CIB1: variants seen among roughly 807,000 people sequenced by gnomAD.
CIB1 encodes the protein calcium and integrin binding 1.
A neutral mutation model predicts 25.0 loss-of-function variants in CIB1; 19 were observed. The observed-to-expected ratio is 0.76, with a 90% CI of 0.53 to 1.12. The LOEUF (loss-of-function observed/expected upper bound fraction) is 1.12, where lower values mean the gene tolerates loss of function less well. CIB1 is among the 50% of genes most tolerant of loss of function. The pLI is 0.00. For missense variants in CIB1, 236 were observed against 242.6 expected, an observed-to-expected ratio of 0.97 and a Z score of 0.18; for synonymous variants, 104 against 98.5, an observed-to-expected ratio of 1.06 and a Z score of -0.33.
chr15:90,258,510 A>C, the CIB1 span: 1 of 614,350 alleles, frequency 1.6e-6, no homozygotes. Context: ...GCCCTAATGT[A>C]AGTCTTTAGG....
At chr15:90,260,088 GGAC>G in the CIB1 span, among the ~76,000 whole-genome samples, 1 of 152,182 alleles carries the variant, frequency 6.6e-6, no homozygotes, top group Non-Finnish European at 1.5e-5. Flanking sequence ...CCACAAGACT[GGAC>G]TGTGTACCTG....
chr15:90,248,450 C>T, the CIB1 span, among the ~76,000 whole-genome samples: 1 of 151,996 alleles, frequency 6.6e-6, no homozygotes, highest in Non-Finnish European at 1.5e-5. Flanking sequence ...TTCAGTGGTT[C>T]ATGCCTGTAA....
the CIB1 span, among the ~76,000 whole-genome samples, chr15:90,261,595 C>T: frequency 3.3e-5 from 5 of 151,798 alleles, no homozygotes; most frequent in South Asian, 6.2e-4. Flanking sequence ...GCCTTGCCAA[C>T]GTGGTGAAAC....
chr15:90,247,683 A>G, the CIB1 span, among the ~76,000 whole-genome samples: 2 of 151,440 alleles, frequency 1.3e-5, no homozygotes, highest in East Asian at 3.9e-4. Context: ...TGAACCGGGA[A>G]AGAAGGCATA....
chr15:90,247,075 A>G, the CIB1 span, among the ~76,000 whole-genome samples: 1 of 151,400 alleles, frequency 6.6e-6, no homozygotes, highest in Admixed American at 6.6e-5. Flanking sequence ...TCCTGGATTC[A>G]AGCAATTCTC....
chr15:90,238,255 G>A (rs191015779), upstream of CIB1, among the ~76,000 whole-genome samples: 12 of 152,272 alleles, frequency 7.9e-5, no homozygotes, highest in East Asian at 1.5e-3. Context: ...AGCCAAGATC[G>A]TGCCACTGCA....
At chr15:90,258,717 G>T in the CIB1 span, 1 of 1,599,674 alleles carries the variant, frequency 6.3e-7, no homozygotes, top group South Asian at 1.1e-5. Flanking sequence ...TCTGGGAAAG[G>T]GGTGTATAAT....
At chr15:90,265,163 G>C in the CIB1 span, 1 of 1,263,886 alleles carries the variant, frequency 7.9e-7, no homozygotes, top group Non-Finnish European at 1.1e-6. Flanking sequence ...GATCGGTAAA[G>C]ACTAGAAGAT....
rs1009160883 is a variant in CIB1, at chr15:90,233,815, G to A, written c.51+20C>T. On this transcript the variant is annotated intron_variant, in intron 1 of 6. Transcript: ENST00000328649. ...AAGAGGCCCGCACGCGAGCTCCCCA[G>A]GGCCAGGCGTCCCGCGCACCTGGTA... 3 of 1,546,806 alleles carry A rather than the reference G, an allele frequency of 1.9e-6. No individual in the cohort carries two copies. The highest frequency in any genetic ancestry group is 2.0e-5 in the Admixed American group (1 of 51,066).
the CIB1 span, chr15:90,241,665 C>A: frequency 6.2e-7 from 1 of 1,614,232 alleles, no homozygotes; most frequent in Middle Eastern, 1.6e-4. Context: ...CCTCCCAGCT[C>A]CTGGCTTCCT....
chr15:90,260,850 CAAAAA>C, the CIB1 span, among the ~76,000 whole-genome samples: 1 of 60,222 alleles, frequency 1.7e-5, no homozygotes, highest in Non-Finnish European at 3.8e-5. Context: ...GACTCTGTCT[CAAAAA>C]AAAAAAAAAA....
Position 90,230,394 on chromosome 15 carries a change from C to T in CIB1, c.*90G>A. ...CAGCTCCAGGCTGGGCCAGCTTGGC[C>T]CGCACTGGCAACACAGGCTTGACCT... On this transcript the variant is annotated 3_prime_UTR_variant, in exon 7 of 7. Coordinates refer to ENST00000328649, the MANE Select transcript of CIB1 (RefSeq NM_006384.4). 6.7e-7 allele frequency: 1 copy of T among 1,488,770 alleles called. No individual in the cohort carries two copies. Among genetic ancestry groups the T allele is most frequent in the Admixed American group, 2.0e-5 (1 of 50,286 alleles). 92.2% of individuals were successfully genotyped at this position (1,488,770 alleles called of 1,614,324 possible). A position where few individuals can be genotyped will look rare whatever the true frequency, so the allele number is the denominator to read the frequency against.
chr15:90,257,471 C>T, the CIB1 span, among the ~76,000 whole-genome samples: 2 of 151,908 alleles, frequency 1.3e-5, no homozygotes, highest in Non-Finnish European at 2.9e-5. Flanking sequence ...CCGGAGGAGC[C>T]CAGCACACAC....
chr15:90,239,989 C>T, the CIB1 span, among the ~76,000 whole-genome samples: 2 of 151,934 alleles, frequency 1.3e-5, no homozygotes, highest in African/African-American at 4.8e-5. Flanking sequence ...TTTGGGAAGC[C>T]GAGGTGGGTG....
intron 2 of CIB1, among the ~76,000 whole-genome samples, chr15:90,232,716 G>A (rs1962527935): frequency 6.6e-6 from 1 of 152,132 alleles, no homozygotes; most frequent in Admixed American, 6.6e-5. Flanking sequence ...AGACCAGTCT[G>A]AGCAACATGG....
chr15:90,262,936 T>G, the CIB1 span: 1 of 1,529,170 alleles, frequency 6.5e-7, no homozygotes, highest in East Asian at 2.4e-5. Context: ...TCCTTGGAGA[T>G]CCTGCATTTA....
the CIB1 span, chr15:90,250,678 T>C: frequency 1.2e-6 from 2 of 1,614,062 alleles, no homozygotes; most frequent in Non-Finnish European, 1.7e-6. Flanking sequence ...AAGACTATGT[T>C]GAGGAAAAGG....
At chr15:90,250,916 C>A in the CIB1 span, 1 of 1,607,986 alleles carries the variant, frequency 6.2e-7, no homozygotes, top group Non-Finnish European at 8.5e-7. Flanking sequence ...CCCTCAACTG[C>A]CCAGCTCCAG....
At chr15:90,234,935 G>A (rs1381521253), upstream of CIB1, among the ~76,000 whole-genome samples, 1 of 152,236 alleles carries the variant, frequency 6.6e-6, no homozygotes, top group Non-Finnish European at 1.5e-5. Context: ...TGGAGGTTGT[G>A]TTGGTCAGGC....
Sources: gnomAD v4.1 joint callset for allele counts (sites outside exome capture counted in the v4.1 genomes callset) on GRCh38, gnomAD v4.1.1 for gene constraint, MANE v1.5 for transcripts, NCBI Gene and HGNC (gene_info 2026-07-23, HGNC 2026-07-21) for gene names.